GRID2: variants seen among roughly 807,000 people sequenced by gnomAD.
The protein encoded by GRID2 is glutamate ionotropic receptor delta type subunit 2, also known as glutamate receptor ionotropic, delta-2.
Under a neutral mutation model 114.8 loss-of-function variants are expected in GRID2, and 33 were observed. The observed-to-expected ratio is 0.29, with a 90% CI of 0.22 to 0.38. The LOEUF (loss-of-function observed/expected upper bound fraction) is 0.38. GRID2 is among the 10% of genes least tolerant of loss of function. The pLI is 1.00. For missense variants in GRID2, 1,184 were observed against 1,257.7 expected, an observed-to-expected ratio of 0.94 and a Z score of 0.89; for synonymous variants, 505 against 449.9, an observed-to-expected ratio of 1.12 and a Z score of -1.55.
chr4:93,138,386 G>A (rs145534120), intron 4 of GRID2, among the ~76,000 whole-genome samples: 37 of 152,136 alleles, frequency 2.4e-4, no homozygotes, highest in African/African-American at 8.4e-4. Context: ...TATGCCCCTT[G>A]TGCTCTATTA....
intron 2 of GRID2, among the ~76,000 whole-genome samples, chr4:92,898,727 A>G (rs936863952): frequency 6.6e-6 from 1 of 152,170 alleles, no homozygotes; most frequent in Non-Finnish European, 1.5e-5. Flanking sequence ...TAGCGCTTAC[A>G]GATACTGTAA....
At chr4:93,567,447 C>G (rs960823621) in intron 13 of GRID2, among the ~76,000 whole-genome samples, 1 of 152,132 alleles carries the variant, frequency 6.6e-6, no homozygotes, top group Non-Finnish European at 1.5e-5. Context: ...GTCTTCTGAT[C>G]TTAGATTAAT....
intron 2 of GRID2, among the ~76,000 whole-genome samples, chr4:92,642,614 T>C (rs1731412326): frequency 2.0e-5 from 3 of 151,680 alleles, no homozygotes; most frequent in African/African-American, 7.2e-5. Context: ...CTTTTTGTTG[T>C]TGTTGTTTTT....
At chr4:93,608,555 C>T (rs142268879) in intron 13 of GRID2, among the ~76,000 whole-genome samples, 45,746 of 130,070 alleles carry the variant, frequency 0.35, 9,505 homozygotes, top group African/African-American at 0.49. Flanking sequence ...AGTGAGAATA[C>T]GCAGTGTTTG....
intron 2 of GRID2, among the ~76,000 whole-genome samples, chr4:92,832,534 C>T (rs1742187287): frequency 6.6e-6 from 1 of 151,652 alleles, no homozygotes; most frequent in Non-Finnish European, 1.5e-5. Flanking sequence ...CCTGGGATTA[C>T]AGGCACCCGC....
chr4:92,713,570 A>C (rs541735294), intron 2 of GRID2, among the ~76,000 whole-genome samples: 1 of 140,684 alleles, frequency 7.1e-6, no homozygotes, highest in African/African-American at 2.6e-5. Flanking sequence ...GTCTGTTTTC[A>C]TGCTGCTGAT....
intron 8 of GRID2, chr4:93,302,696 G>A (rs1459971094): frequency 2.4e-6 from 1 of 420,922 alleles, no homozygotes; most frequent in African/African-American, 2.1e-5. Flanking sequence ...CTACTTTATT[G>A]AAAGTGGCTA....
chr4:92,830,850 G>T (rs924927744), intron 2 of GRID2, among the ~76,000 whole-genome samples: 1 of 152,092 alleles, frequency 6.6e-6, no homozygotes, highest in Non-Finnish European at 1.5e-5. Flanking sequence ...AAGTATCTGG[G>T]TATTGCAATA....
intron 13 of GRID2, among the ~76,000 whole-genome samples, chr4:93,549,370 T>C (rs1309953269): frequency 6.6e-6 from 1 of 152,188 alleles, no homozygotes; most frequent in Non-Finnish European, 1.5e-5. Flanking sequence ...AATTTACAAC[T>C]GTAAAACATG....
At chr4:92,822,628 A>G (rs1163965842) in intron 2 of GRID2, 1 of 203,904 alleles carries the variant, frequency 4.9e-6, no homozygotes, top group Non-Finnish European at 1.0e-5. Flanking sequence ...TGGCCTACAG[A>G]TCATCTCATA....
intron 2 of GRID2, among the ~76,000 whole-genome samples, chr4:92,884,497 G>C (rs1228939825): frequency 6.6e-6 from 1 of 152,040 alleles, no homozygotes; most frequent in Non-Finnish European, 1.5e-5. Flanking sequence ...CTTTTGCCCT[G>C]TCTTGGCATT....
chr4:92,959,746 A>G (rs1414692606), intron 2 of GRID2, among the ~76,000 whole-genome samples: 3 of 152,108 alleles, frequency 2.0e-5, no homozygotes, highest in East Asian at 1.9e-4. Context: ...TCAGCAAACT[A>G]TGCAGGAACA....
chr4:92,575,590 T>G (rs2149197143), intron 1 of GRID2, among the ~76,000 whole-genome samples: 1 of 152,288 alleles, frequency 6.6e-6, no homozygotes, highest in African/African-American at 2.4e-5. Flanking sequence ...TCACCTCATT[T>G]TTTCCCAAAC....
chr4:92,815,056 A>G (rs1740825618), intron 2 of GRID2, among the ~76,000 whole-genome samples: 1 of 152,166 alleles, frequency 6.6e-6, no homozygotes, highest in African/African-American at 2.4e-5. Flanking sequence ...AATTGGCACA[A>G]TATACTTGTT....
chr4:93,243,597 G>A (rs1184215212), intron 8 of GRID2, among the ~76,000 whole-genome samples: 2 of 151,962 alleles, frequency 1.3e-5, no homozygotes, highest in Non-Finnish European at 2.9e-5. Flanking sequence ...TGTCTGCTCA[G>A]GATTTGAATG....
chr4:93,241,709 G>A (rs942989830), intron 8 of GRID2, among the ~76,000 whole-genome samples: 3 of 151,008 alleles, frequency 2.0e-5, no homozygotes, highest in South Asian at 4.2e-4. Flanking sequence ...ACCATGTCTA[G>A]TACATCACAA....
chr4:93,048,446 G>T (rs896393237), intron 2 of GRID2, among the ~76,000 whole-genome samples: 1 of 151,908 alleles, frequency 6.6e-6, no homozygotes, highest in Admixed American at 6.6e-5. Flanking sequence ...TCAGGTATCT[G>T]GTTCCCTCTC....
chr4:93,459,059 A>G (rs893962213), intron 11 of GRID2, among the ~76,000 whole-genome samples: 1 of 151,870 alleles, frequency 6.6e-6, no homozygotes, highest in African/African-American at 2.4e-5. Flanking sequence ...GGGCGCCTGT[A>G]ATCCCAGCTA....
intron 14 of GRID2, among the ~76,000 whole-genome samples, chr4:93,708,531 T>C (rs1250831532): frequency 1.3e-5 from 2 of 152,022 alleles, no homozygotes; most frequent in African/African-American, 4.8e-5. Context: ...TATTTTTCGA[T>C]CTTTTTATTT....
Sources: gnomAD v4.1 joint callset for allele counts (sites outside exome capture counted in the v4.1 genomes callset) on GRCh38, gnomAD v4.1.1 for gene constraint, MANE v1.5 for transcripts, NCBI Gene and HGNC (gene_info 2026-07-23, HGNC 2026-07-21) for gene names.